Variants in DLGAP2 observed in about 807,000 individuals in gnomAD.
DLGAP2 encodes the protein DLG associated protein 2, also known as disks large-associated protein 2.
DLGAP2 carries 26 observed loss-of-function variants against 100.3 expected under a neutral mutation model. The observed-to-expected ratio is 0.26, with a 90% confidence interval of 0.19 to 0.36. The LOEUF is 0.36. DLGAP2 is among the 10% of genes least tolerant of loss of function. The pLI, the probability that DLGAP2 is intolerant of heterozygous loss-of-function variation, is 1.00. For missense variants in DLGAP2, 1,858 were observed against 1,453.2 expected, an observed-to-expected ratio of 1.28 and a Z score of -4.53; for synonymous variants, 886 against 630.1, an observed-to-expected ratio of 1.41 and a Z score of -6.08.
chr8:1,350,090 A>C (rs1440786595), intron 3 of DLGAP2, among the ~76,000 whole-genome samples: 2 of 152,224 alleles, frequency 1.3e-5, no homozygotes, highest in African/African-American at 4.8e-5. Context: ...GGTGCCAATA[A>C]TTTATTCATA....
intron 2 of DLGAP2, among the ~76,000 whole-genome samples, chr8:1,156,864 T>C (rs1467969967): frequency 1.3e-5 from 2 of 152,148 alleles, no homozygotes; most frequent in African/African-American, 2.4e-5. Flanking sequence ...AAGGTTCTGA[T>C]TTCCACGCGA....
intron 2 of DLGAP2, among the ~76,000 whole-genome samples, chr8:955,870 A>T (rs918567864): frequency 1.3e-5 from 2 of 152,180 alleles, no homozygotes; most frequent in African/African-American, 4.8e-5. Context: ...CCTGGGAACA[A>T]CAAGGGGTGG....
chr8:1,593,184 G>C (rs1796341993), intron 6 of DLGAP2, among the ~76,000 whole-genome samples: 1 of 152,140 alleles, frequency 6.6e-6, no homozygotes, highest in African/African-American at 2.4e-5. Flanking sequence ...GCCTGGCGTG[G>C]TGGCTCACTC....
intron 3 of DLGAP2, among the ~76,000 whole-genome samples, chr8:1,311,498 C>A (rs1800613338): frequency 6.6e-6 from 1 of 152,176 alleles, no homozygotes. Context: ...CAAACCATAT[C>A]CCTTATCAAT....
chr8:1,431,345 A>G (rs962009238), intron 3 of DLGAP2, among the ~76,000 whole-genome samples: 1 of 152,234 alleles, frequency 6.6e-6, no homozygotes, highest in African/African-American at 2.4e-5. Flanking sequence ...GGCTTTATTC[A>G]TCTGTTCATT....
chr8:974,409 C>G (rs1261924882), intron 2 of DLGAP2, among the ~76,000 whole-genome samples: 1 of 152,190 alleles, frequency 6.6e-6, no homozygotes, highest in Non-Finnish European at 1.5e-5. Context: ...ACCCAGAATT[C>G]TGTCTATAGA....
intron 3 of DLGAP2, among the ~76,000 whole-genome samples, chr8:1,454,618 T>A (rs1798253434): frequency 6.6e-6 from 1 of 152,158 alleles, no homozygotes; most frequent in Non-Finnish European, 1.5e-5. Flanking sequence ...CCCTTTACAT[T>A]TCCGAGCTCC....
At chr8:1,534,864 G>C (rs553233290) in intron 4 of DLGAP2, among the ~76,000 whole-genome samples, 1 of 152,322 alleles carries the variant, frequency 6.6e-6, no homozygotes, top group South Asian at 2.1e-4. Context: ...ATCAGACTTT[G>C]CACGACCCAC....
chr8:1,223,149 C>T (rs924313230), intron 2 of DLGAP2, among the ~76,000 whole-genome samples: 4 of 152,200 alleles, frequency 2.6e-5, no homozygotes, highest in Admixed American at 2.6e-4. Flanking sequence ...TGCCTGTTTC[C>T]CTTAGTCCTC....
At chr8:1,299,671 C>G (rs532211143) in intron 3 of DLGAP2, among the ~76,000 whole-genome samples, 2 of 152,238 alleles carry the variant, frequency 1.3e-5, no homozygotes, top group East Asian at 1.9e-4. Flanking sequence ...TATTCCCTAT[C>G]TAATATTTTT....
intron 1 of DLGAP2, among the ~76,000 whole-genome samples, chr8:783,702 C>G (rs1035624921): frequency 2.0e-5 from 3 of 152,112 alleles, no homozygotes; most frequent in Non-Finnish European, 4.4e-5. Context: ...ACTGTGTTCT[C>G]AAACTCACCC....
intron 2 of DLGAP2, among the ~76,000 whole-genome samples, chr8:1,138,790 C>T (rs1309051273): frequency 6.6e-6 from 1 of 152,034 alleles, no homozygotes; most frequent in Non-Finnish European, 1.5e-5. Context: ...TTGTCCTGAC[C>T]TGTGCAGCTG....
At position 1,575,738 on chromosome 8, in the gene DLGAP2, G is replaced by A. The variant is rs920646843; in HGVS notation, c.1442+9844G>A. Among the ~76,000 whole-genome samples the A allele has an allele frequency of 6.6e-5, 10 of 150,552 alleles. 1 individual carries two copies. Among genetic ancestry groups the A allele is most frequent in the East Asian group, 2.0e-4 (1 of 5,062 alleles). On this transcript the variant is annotated intron_variant, in intron 6 of 14. Coordinates refer to ENST00000637795, the MANE Select transcript of DLGAP2 (RefSeq NM_001346810.2). ...GTGGTGTTTGGTTTTTTGTTCTTGT[G>A]ATAGTTTGCTCAGAATGATGGTTTC...
chr8:1,256,666 G>T (rs961183296), intron 2 of DLGAP2, among the ~76,000 whole-genome samples: 2 of 152,170 alleles, frequency 1.3e-5, no homozygotes, highest in Non-Finnish European at 2.9e-5. Flanking sequence ...CGCGTGGGGA[G>T]TCTCACCTTG....
At chr8:844,883 C>T (rs975878117) in intron 1 of DLGAP2, among the ~76,000 whole-genome samples, 3 of 152,150 alleles carry the variant, frequency 2.0e-5, no homozygotes, top group Admixed American at 1.3e-4. Flanking sequence ...ACTTCTGTCT[C>T]GGTTGATTAC....
chr8:1,127,301 C>A (rs937597121), intron 2 of DLGAP2, among the ~76,000 whole-genome samples: 2 of 151,934 alleles, frequency 1.3e-5, no homozygotes, highest in Non-Finnish European at 2.9e-5. Context: ...AACCCCCATT[C>A]TCTTCCTGAG....
chr8:1,198,642 A>T (rs1403543489), intron 2 of DLGAP2, among the ~76,000 whole-genome samples: 1 of 152,154 alleles, frequency 6.6e-6, no homozygotes, highest in Admixed American at 6.5e-5. Flanking sequence ...GCAAGGGGAG[A>T]AAGGCCGAGC....
intron 2 of DLGAP2, among the ~76,000 whole-genome samples, chr8:949,310 G>A (rs1288401496): frequency 1.3e-5 from 2 of 152,180 alleles, no homozygotes; most frequent in Admixed American, 6.5e-5. Flanking sequence ...GCCGTTGGGC[G>A]TGAGTCTGGG....
chr8:1,164,607 G>A (rs1464951650), intron 2 of DLGAP2, among the ~76,000 whole-genome samples: 2 of 151,932 alleles, frequency 1.3e-5, no homozygotes, highest in Admixed American at 6.6e-5. Flanking sequence ...CAAAGCCCAA[G>A]TCAGAGGGAA....
Sources: allele counts gnomAD v4.1 joint callset (sites outside exome capture counted in the v4.1 genomes callset), GRCh38; gene constraint gnomAD v4.1.1; transcripts MANE v1.5; gene names NCBI Gene and HGNC (gene_info 2026-07-23, HGNC 2026-07-21).